The following PATJ variants were observed in gnomAD, a reference collection of about 807,000 sequenced individuals.
PATJ encodes PATJ crumbs cell polarity complex component.
Under a neutral mutation model 224.9 loss-of-function variants are expected in PATJ, and 190 were observed. The ratio of observed to expected loss-of-function variants is 0.84; its 90% confidence interval spans 0.75 to 0.95. The LOEUF (loss-of-function observed/expected upper bound fraction) is 0.95, where lower values mean the gene tolerates loss of function less well. Ranked by LOEUF, PATJ falls within the 40% of genes least tolerant of loss-of-function variation. The probability of loss-of-function intolerance (pLI) is 0.00; values close to 1 mark genes in which losing one functional copy is unlikely to be tolerated. For missense variants in PATJ, 2,121 were observed against 2,270.3 expected (o/e 0.93, Z 1.34); for synonymous variants, 769 against 820.3 (o/e 0.94, Z 1.07).
chr1:62,129,014 A>G, intron 41 of PATJ, 69 bp downstream of exon 41: 1 of 1,009,962 alleles, frequency 9.9e-7, no homozygotes, highest in Non-Finnish European at 1.6e-6. Flanking sequence ...ATTGAGCGTC[A>G]CTGGCAGTAG....
At chr1:61,822,540 C>T (rs1303404128) in intron 14 of PATJ, among the ~76,000 whole-genome samples, 1 of 151,924 alleles carries the variant, frequency 6.6e-6, no homozygotes, top group African/African-American at 2.4e-5. Flanking sequence ...CTCATGAACT[C>T]AGGGCTTCCT....
intron 27 of PATJ, among the ~76,000 whole-genome samples, chr1:61,977,148 C>T (rs1056323511): frequency 4.6e-5 from 7 of 152,016 alleles, no homozygotes; most frequent in Non-Finnish European, 8.8e-5. Context: ...AGTGTAGTGG[C>T]GTGATCATGG....
chr1:61,894,247 T>G (rs1670015247), intron 22 of PATJ, among the ~76,000 whole-genome samples: 1 of 148,180 alleles, frequency 6.7e-6, no homozygotes, highest in African/African-American at 2.5e-5. Context: ...AGAGCGAAAC[T>G]CTATCTCATA....
chr1:61,966,456 C>T (rs907023562), intron 27 of PATJ, among the ~76,000 whole-genome samples: 1 of 151,964 alleles, frequency 6.6e-6, no homozygotes, highest in Non-Finnish European at 1.5e-5. Context: ...GTGGCCAACC[C>T]GGGTGGGTCA....
intron 31 of PATJ, among the ~76,000 whole-genome samples, chr1:62,079,126 G>C (rs928843365): frequency 2.0e-5 from 3 of 152,140 alleles, no homozygotes; most frequent in African/African-American, 4.8e-5. Context: ...TCATCAGAAT[G>C]AGTAGAAATT....
chr1:61,780,657 CA>C (rs1647199981), intron 7 of PATJ, among the ~76,000 whole-genome samples: 1 of 144,778 alleles, frequency 6.9e-6, no homozygotes, highest in Non-Finnish European at 1.5e-5. Context: ...GTTGGAGTGG[CA>C]TTTTTTTTTT....
intron 27 of PATJ, among the ~76,000 whole-genome samples, chr1:61,960,024 TA>T (rs1338341597): frequency 6.6e-6 from 1 of 152,164 alleles, no homozygotes; most frequent in African/African-American, 2.4e-5. Flanking sequence ...CCCCCATTTC[TA>T]AAAAATAAAT....
chr1:61,814,606 TATC>T (rs779748039), intron 14 of PATJ, among the ~76,000 whole-genome samples: 1 of 151,920 alleles, frequency 6.6e-6, no homozygotes, highest in African/African-American at 2.4e-5. Flanking sequence ...CATGTAACAT[TATC>T]ATATATTTTT....
chr1:61,948,476 C>G (rs1679106076), intron 27 of PATJ, among the ~76,000 whole-genome samples: 1 of 152,310 alleles, frequency 6.6e-6, no homozygotes, highest in East Asian at 1.9e-4. Context: ...CTCATCATCA[C>G]TGGCCATCAG....
intron 28 of PATJ, chr1:61,991,856 T>C (rs1409223424): frequency 2.1e-6 from 1 of 469,198 alleles, no homozygotes; most frequent in African/African-American, 2.1e-5. Context: ...ATGCTGGTAG[T>C]AAAAATGATG....
chr1:61,952,879 G>A (rs1049355005), intron 27 of PATJ, among the ~76,000 whole-genome samples: 1 of 152,178 alleles, frequency 6.6e-6, no homozygotes, highest in Non-Finnish European at 1.5e-5. Context: ...TGACCATTCA[G>A]CATTTTGTTA....
intron 43 of PATJ, among the ~76,000 whole-genome samples, chr1:62,159,732 G>C (rs1468952449): frequency 6.6e-6 from 1 of 150,536 alleles, no homozygotes; most frequent in East Asian, 2.0e-4. Context: ...TTTTTGTAGA[G>C]ACAGTTTCAC....
intron 6 of PATJ, among the ~76,000 whole-genome samples, chr1:61,772,106 G>GT (rs753366748): frequency 0.18 from 20,651 of 115,192 alleles, 2,246 homozygotes; most frequent in Middle Eastern, 0.26. Flanking sequence ...CATGACGGTC[G>GT]TTTTTTTTTT....
chr1:62,103,000 ATCGCC>A (rs1662407116), intron 33 of PATJ, among the ~76,000 whole-genome samples: 1 of 152,122 alleles, frequency 6.6e-6, no homozygotes, highest in Admixed American at 6.6e-5. Context: ...TCTACAGATC[ATCGCC>A]TCGCCTCATT....
rs115665699 is a variant in PATJ at position 62,120,640 on chromosome 1, T to G, written c.4891-541T>G. The stretch of plus-strand genomic sequence containing the variant: ...TTATTACTGATTCTAGGAAAATCTT[T>G]GAGAAAAAAATGTTATATATCCCTA... On this transcript the variant is annotated intron_variant, in intron 37 of 43. Transcript: ENST00000642238. Among the ~76,000 whole-genome samples, 928 of 152,306 alleles carry G rather than the reference T, an allele frequency of 6.1e-3. 12 individuals are homozygous for G. Among genetic ancestry groups the G allele is most frequent in the African/African-American group, 0.021 (881 of 41,576 alleles).
chr1:62,160,912 C>T lies in PATJ; in HGVS notation c.5507C>T (p.Ala1836Val). The change falls in exon 44 of 44, where the codon GCA (alanine) becomes GTA (valine). Residue 1836 changes from alanine to valine, a missense_variant. Coordinates refer to ENST00000642238, the MANE Select transcript of PATJ (RefSeq NM_001350145.3). ...TGAAATGTTTCTTGTTTGTAGGGAG[C>T]AGCTGCAGATGACGGCCGATTAAAA... ...IYVKTVFAKG[A>V]AADDGRLKRG... 6.2e-7 allele frequency: 1 copy of T among 1,613,666 alleles called. No homozygotes were observed. The highest frequency in any genetic ancestry group is 8.5e-7 in the Non-Finnish European group (1 of 1,179,858).
At chr1:62,124,153 A>C (rs963030500) in intron 39 of PATJ, among the ~76,000 whole-genome samples, 3 of 151,024 alleles carry the variant, frequency 2.0e-5, no homozygotes, top group Admixed American at 2.0e-4. Context: ...TGCAATCTCA[A>C]CTCACTGCAA....
chr1:62,009,860 G>A (rs573086878), intron 28 of PATJ, among the ~76,000 whole-genome samples: 8 of 151,964 alleles, frequency 5.3e-5, no homozygotes, highest in South Asian at 2.1e-4. Flanking sequence ...CGAGGTGGGC[G>A]GATCACAAGG....
intron 4 of PATJ, among the ~76,000 whole-genome samples, chr1:61,769,077 G>A (rs534667095): frequency 1.3e-5 from 2 of 152,276 alleles, no homozygotes; most frequent in South Asian, 4.1e-4. Flanking sequence ...ATTCCCTGAG[G>A]TTGCAGAACA....
Sources: gnomAD v4.1 joint callset for allele counts (sites outside exome capture counted in the v4.1 genomes callset) on GRCh38, gnomAD v4.1.1 for gene constraint, MANE v1.5 for transcripts, NCBI Gene and HGNC (gene_info 2026-07-23, HGNC 2026-07-21) for gene names.